Variants in CAMKMT observed in about 807,000 individuals in gnomAD.
CAMKMT encodes the protein calmodulin-lysine N-methyltransferase, also known as CaM KMT.
CAMKMT carries 53 observed loss-of-function variants against 48.0 expected under a neutral mutation model. The ratio of observed to expected loss-of-function variants is 1.10; its 90% CI spans 0.89 to 1.39. The LOEUF is 1.39. Among genes scored for constraint, CAMKMT ranks in the 40% most tolerant of loss-of-function variants. CAMKMT has a pLI of 0.00. For synonymous variants in CAMKMT, 165 were observed against 152.3 expected (o/e 1.08, Z -0.61); for missense variants, 428 against 402.7 (o/e 1.06, Z -0.54).
intron 3 of CAMKMT, among the ~76,000 whole-genome samples, chr2:44,394,698 G>T (rs1681665176): frequency 1.3e-5 from 2 of 152,182 alleles, no homozygotes; most frequent in Admixed American, 6.5e-5. Flanking sequence ...AAAGTGCTGG[G>T]ATTATAGGCA....
At chr2:44,458,315 G>C (rs2104611365) in intron 3 of CAMKMT, among the ~76,000 whole-genome samples, 2 of 152,206 alleles carry the variant, frequency 1.3e-5, no homozygotes, top group South Asian at 4.1e-4. Context: ...CCAGAGTGCT[G>C]GGATAACAGG....
chr2:44,400,940 ATATATATATATATATATATATG>A (rs1240893397), intron 3 of CAMKMT: 1 of 112,186 alleles, frequency 8.9e-6, no homozygotes, highest in Non-Finnish European at 1.9e-5. Context: ...GTATATATAT[ATATATATATATATATATATATG>A]TATGTACATA....
intron 7 of CAMKMT, among the ~76,000 whole-genome samples, chr2:44,718,039 CT>C (rs1678264130): frequency 6.6e-6 from 1 of 152,064 alleles, no homozygotes; most frequent in Admixed American, 6.6e-5. Context: ...AGAATGAATT[CT>C]ATTATACCTT....
At chr2:44,367,601 G>A (rs564015429) in intron 1 of CAMKMT, among the ~76,000 whole-genome samples, 1 of 152,218 alleles carries the variant, frequency 6.6e-6, no homozygotes, top group South Asian at 2.1e-4. Flanking sequence ...AACACTTCTG[G>A]TTCCATTTTG....
chr2:44,578,146 ATC>A (rs990498905), intron 3 of CAMKMT, among the ~76,000 whole-genome samples: 3 of 152,168 alleles, frequency 2.0e-5, no homozygotes, highest in Non-Finnish European at 4.4e-5. Context: ...GTTGGAGGTG[ATC>A]TCTCATTACC....
At position 44,448,972 on chromosome 2, in the gene CAMKMT, G is replaced by A. The variant is rs118009814; in HGVS notation, c.376+58667G>A. Among the ~76,000 whole-genome samples the A allele has an allele frequency of 6.2e-4, 94 of 152,256 alleles. 1 individual carries two copies. The East Asian group carries it at 0.017, about 28-fold the overall frequency. On this transcript the variant is annotated intron_variant, in intron 3 of 10. Coordinates refer to ENST00000378494, the MANE Select transcript of CAMKMT (RefSeq NM_024766.5). ...GAGACAGTAGATTAGTAGTTGCCTCGTGCAGGAAACTAGGGAGTATGGACG... is the reference window on the plus strand; with the variant it reads ...GAGACAGTAGATTAGTAGTTGCCTCATGCAGGAAACTAGGGAGTATGGACG...
At chr2:44,397,601 G>T (rs547956127) in intron 3 of CAMKMT, among the ~76,000 whole-genome samples, 3 of 151,786 alleles carry the variant, frequency 2.0e-5, no homozygotes, top group Admixed American at 6.6e-5. Context: ...TCAGGTAAGC[G>T]TGCCCCTAAT....
At chr2:44,451,918 GA>G (rs575391921) in intron 3 of CAMKMT, among the ~76,000 whole-genome samples, 3 of 150,090 alleles carry the variant, frequency 2.0e-5, no homozygotes, top group Non-Finnish European at 3.0e-5. Flanking sequence ...TTCCATTTTT[GA>G]AAAAAAACCT....
intron 7 of CAMKMT, among the ~76,000 whole-genome samples, chr2:44,722,945 G>C (rs530763364): frequency 6.6e-6 from 1 of 152,268 alleles, no homozygotes; most frequent in East Asian, 1.9e-4. Context: ...CCCAGCATGA[G>C]GGGGGTCTGA....
intron 3 of CAMKMT, among the ~76,000 whole-genome samples, chr2:44,661,402 G>A (rs1179835402): frequency 7.3e-6 from 1 of 136,740 alleles, no homozygotes; most frequent in Admixed American, 8.6e-5. Context: ...TGCTACCACT[G>A]TTTCCTGGGT....
chr2:44,596,416 T>C (rs1670668157), intron 3 of CAMKMT, among the ~76,000 whole-genome samples: 1 of 151,382 alleles, frequency 6.6e-6, no homozygotes, highest in Non-Finnish European at 1.5e-5. Flanking sequence ...GCCACTGCAC[T>C]CCAGGCTGGG....
At chr2:44,540,835 TA>T (rs1667068166) in intron 3 of CAMKMT, among the ~76,000 whole-genome samples, 1 of 152,326 alleles carries the variant, frequency 6.6e-6, no homozygotes, top group East Asian at 1.9e-4. Flanking sequence ...GGGACAAAGC[TA>T]AAAAAATTTA....
At chr2:44,570,154 C>A (rs1026567907) in intron 3 of CAMKMT, among the ~76,000 whole-genome samples, 2 of 152,046 alleles carry the variant, frequency 1.3e-5, no homozygotes, top group Middle Eastern at 3.2e-3. Context: ...CAATGAGGTC[C>A]ATTTAAATGA....
rs118187785 is a variant in CAMKMT, at chr2:44,429,334, T to C, written c.376+39029T>C. On this transcript the variant is annotated intron_variant, in intron 3 of 10. Coordinates refer to ENST00000378494, the MANE Select transcript of CAMKMT (RefSeq NM_024766.5). ...ATGTCTTATGGATGGTGAATTATACTGTTAATTCAAACTAATATTTCTGGA... is the reference window on the plus strand; with the variant it reads ...ATGTCTTATGGATGGTGAATTATACCGTTAATTCAAACTAATATTTCTGGA... Among the ~76,000 whole-genome samples, 34 of 152,072 alleles carry C rather than the reference T, an allele frequency of 2.2e-4. 1 individual carries two copies. In the East Asian group the frequency reaches 6.6e-3, roughly 29 times the overall value.
intron 3 of CAMKMT, among the ~76,000 whole-genome samples, chr2:44,398,778 T>C (rs1682095048): frequency 6.6e-6 from 1 of 152,164 alleles, no homozygotes; most frequent in African/African-American, 2.4e-5. Context: ...GTGGATAGCC[T>C]TTCCACAGAG....
At chr2:44,599,827 A>T (rs1200280635) in intron 3 of CAMKMT, among the ~76,000 whole-genome samples, 1 of 18,358 alleles carries the variant, frequency 5.4e-5, no homozygotes, top group Non-Finnish European at 1.6e-4. Context: ...GGCAAGGTTT[A>T]AAAAAAAAAA....
At chr2:44,541,263 A>G (rs1307174559) in intron 3 of CAMKMT, among the ~76,000 whole-genome samples, 3 of 152,174 alleles carry the variant, frequency 2.0e-5, no homozygotes, top group Non-Finnish European at 4.4e-5. Flanking sequence ...TTGAGATTGC[A>G]TTGAATTTAT....
At chr2:44,575,419 C>A (rs1373341875) in intron 3 of CAMKMT, among the ~76,000 whole-genome samples, 4 of 152,174 alleles carry the variant, frequency 2.6e-5, no homozygotes, top group African/African-American at 9.7e-5. Context: ...TTTTCAGTAA[C>A]ATTGCATATT....
chr2:44,668,979 C>T (rs866574231), intron 3 of CAMKMT, among the ~76,000 whole-genome samples: 24 of 152,168 alleles, frequency 1.6e-4, no homozygotes, highest in African/African-American at 5.3e-4. Flanking sequence ...GGCAGGGTTT[C>T]ACCATGTTGG....
Sources: allele counts gnomAD v4.1 joint callset (sites outside exome capture counted in the v4.1 genomes callset), GRCh38; gene constraint gnomAD v4.1.1; transcripts MANE v1.5; gene names NCBI Gene and HGNC (gene_info 2026-07-23, HGNC 2026-07-21).